THRB: variants seen among roughly 807,000 people sequenced by gnomAD.
THRB encodes the protein nuclear receptor subfamily 1 group A member 2.
THRB carries 12 observed loss-of-function variants against 47.8 expected under a neutral mutation model. The observed-to-expected ratio is 0.25, with a 90% CI of 0.16 to 0.41. THRB has a LOEUF of 0.41. THRB is among the 10% of genes least tolerant of loss of function. The pLI, the probability that THRB is intolerant of heterozygous loss-of-function variation, is 1.00. For synonymous variants in THRB, 218 were observed against 212.2 expected, an observed-to-expected ratio of 1.03 and a Z score of -0.24; for missense variants, 348 against 589.2, an observed-to-expected ratio of 0.59 and a Z score of 4.24.
intron 2 of THRB, among the ~76,000 whole-genome samples, chr3:24,304,509 A>T (rs2057194644): frequency 6.6e-6 from 1 of 152,104 alleles, no homozygotes; most frequent in Non-Finnish European, 1.5e-5. Context: ...TTCCATCCAA[A>T]GTTATGAAAC....
intron 1 of THRB, among the ~76,000 whole-genome samples, chr3:24,482,110 G>T (rs1017322500): frequency 6.6e-6 from 1 of 152,130 alleles, no homozygotes; most frequent in Admixed American, 6.5e-5. Flanking sequence ...TGACTTCTGG[G>T]TCTCTCTCTT....
intron 1 of THRB, among the ~76,000 whole-genome samples, chr3:24,438,076 G>C (rs912147455): frequency 2.3e-4 from 17 of 74,240 alleles, no homozygotes; most frequent in African/African-American, 6.5e-4. Context: ...AGTTAGGTGG[G>C]GCAGGCACAA....
intron 1 of THRB, among the ~76,000 whole-genome samples, chr3:24,492,411 G>A (rs1698287517): frequency 6.6e-6 from 1 of 152,196 alleles, no homozygotes; most frequent in Admixed American, 6.5e-5. Flanking sequence ...GAAAAGGAAT[G>A]AGGGACCGCC....
chr3:24,429,924 T>TA (rs893257631), intron 1 of THRB, among the ~76,000 whole-genome samples: 2 of 151,912 alleles, frequency 1.3e-5, no homozygotes, highest in Admixed American at 6.6e-5. Flanking sequence ...CAGTTTAAAA[T>TA]AAAAAATTTA....
At chr3:24,459,470 T>C (rs369843693) in intron 1 of THRB, 11 of 152,214 alleles carry the variant, frequency 7.2e-5, no homozygotes, top group African/African-American at 2.4e-4. Flanking sequence ...ATCCTTTGGG[T>C]ATATACCCAG....
At chr3:24,437,203 G>A (rs2071056027) in intron 1 of THRB, among the ~76,000 whole-genome samples, 1 of 150,230 alleles carries the variant, frequency 6.7e-6, no homozygotes, top group South Asian at 2.1e-4. Context: ...ATATTATTCA[G>A]CCAAAAACAT....
chr3:24,436,257 T>A (rs2070936157), intron 1 of THRB, among the ~76,000 whole-genome samples: 2 of 151,422 alleles, frequency 1.3e-5, no homozygotes, highest in Admixed American at 1.3e-4. Context: ...GAAGAAGGAA[T>A]ACTGGCAAGA....
chr3:24,213,127 GAGA>G (rs1345088426), intron 4 of THRB, among the ~76,000 whole-genome samples: 3 of 152,180 alleles, frequency 2.0e-5, no homozygotes, highest in Non-Finnish European at 4.4e-5. Context: ...AGAGAGAGAA[GAGA>G]AGAACAGAGA....
At chr3:24,333,316 C>T (rs939407563) in intron 2 of THRB, among the ~76,000 whole-genome samples, 1 of 151,998 alleles carries the variant, frequency 6.6e-6, no homozygotes, top group African/African-American at 2.4e-5. Context: ...AGCCACTTGA[C>T]CAAGGAAGAA....
At chr3:24,432,058 CTACATATT>C (rs1430172928) in intron 1 of THRB, among the ~76,000 whole-genome samples, 23 of 151,972 alleles carry the variant, frequency 1.5e-4, no homozygotes, top group African/African-American at 5.6e-4. Flanking sequence ...GGGAGGAATA[CTACATATT>C]TAATATCAAC....
chr3:24,269,387 ACGCG>A (rs140133862), intron 3 of THRB, among the ~76,000 whole-genome samples: 29,954 of 97,406 alleles, frequency 0.31, 3,938 homozygotes, highest in Non-Finnish European at 0.35. Flanking sequence ...CATAGCTCAC[ACGCG>A]CGCGCGCGCG....
chr3:24,481,380 T>C (rs915478151), intron 1 of THRB, among the ~76,000 whole-genome samples: 2 of 152,008 alleles, frequency 1.3e-5, no homozygotes, highest in African/African-American at 4.8e-5. Flanking sequence ...TTGCTCATTT[T>C]AAAATTAGAT....
intron 10 of THRB, 124 bp from the exon 11 acceptor site, chr3:24,123,249 T>A: frequency 7.0e-7 from 1 of 1,421,646 alleles, no homozygotes; most frequent in Non-Finnish European, 9.8e-7. Context: ...GCCATGAGCA[T>A]GGATGCAGCG....
At chr3:24,468,426 T>C (rs769194825) in intron 1 of THRB, among the ~76,000 whole-genome samples, 5 of 152,248 alleles carry the variant, frequency 3.3e-5, no homozygotes, top group African/African-American at 9.6e-5. Context: ...CTATTTCAGC[T>C]TTTGACATGC....
chr3:24,196,758 T>C (rs2044001727), intron 4 of THRB, among the ~76,000 whole-genome samples: 2 of 151,790 alleles, frequency 1.3e-5, no homozygotes, highest in Non-Finnish European at 2.9e-5. Flanking sequence ...TCCTAGATTC[T>C]GTGCAAGGCA....
chr3:24,202,357 A>C (rs544690292), intron 4 of THRB, among the ~76,000 whole-genome samples: 1 of 152,272 alleles, frequency 6.6e-6, no homozygotes, highest in Admixed American at 6.5e-5. Flanking sequence ...TGAACCCTAC[A>C]CCTCAAATAC....
intron 1 of THRB, chr3:24,348,865 C>T (rs1038769272): frequency 1.3e-5 from 2 of 151,746 alleles, no homozygotes; most frequent in African/African-American, 4.8e-5. Flanking sequence ...AAACATTATA[C>T]TAGAAATTGC....
chr3:24,219,874 A>G (rs1427016142), intron 4 of THRB, among the ~76,000 whole-genome samples: 3 of 152,204 alleles, frequency 2.0e-5, no homozygotes, highest in Admixed American at 2.0e-4. Context: ...TTCTGATCCC[A>G]CCACCAAGTT....
intron 5 of THRB, among the ~76,000 whole-genome samples, chr3:24,172,210 G>T (rs933937556): frequency 5.9e-5 from 9 of 152,086 alleles, no homozygotes; most frequent in Admixed American, 2.0e-4. Context: ...GGAGCTTAAG[G>T]CACGGATACA....
Sources: allele counts gnomAD v4.1 joint callset (sites outside exome capture counted in the v4.1 genomes callset), GRCh38; gene constraint gnomAD v4.1.1; transcripts MANE v1.5; gene names NCBI Gene and HGNC (gene_info 2026-07-23, HGNC 2026-07-21).